MTX2: variants seen among roughly 807,000 people sequenced by gnomAD.
The protein encoded by MTX2 is metaxin-2.
MTX2 carries 35 observed loss-of-function variants against 42.3 expected under a neutral mutation model. The observed-to-expected ratio is 0.83, with a 90% CI of 0.63 to 1.10. MTX2 has a LOEUF of 1.10. MTX2 is among the 50% of genes least tolerant of loss of function. The probability of loss-of-function intolerance (pLI) is 0.00; values close to 1 mark genes in which losing one functional copy is unlikely to be tolerated. For synonymous variants in MTX2, 119 were observed against 100.9 expected (o/e 1.18, Z -1.08); for missense variants, 307 against 304.1 (o/e 1.01, Z -0.07).
At chr2:176,285,957 T>C (rs1196531181) in intron 1 of MTX2, among the ~76,000 whole-genome samples, 1 of 152,212 alleles carries the variant, frequency 6.6e-6, no homozygotes, top group African/African-American at 2.4e-5. Flanking sequence ...TTTGAGAAAT[T>C]GCCAAACATT....
Position 176,297,849 on chromosome 2 carries a change from G to C in MTX2, c.89G>C (p.Gly30Ala), listed in dbSNP as rs757924291. Residue 30 changes from glycine (G) to alanine (A), a missense_variant and splice_region_variant, in exon 3 of 10, where the codon GGG (glycine) becomes GCG (alanine). Gly to Ala is a moderately conservative substitution (Grantham distance 60). Coordinates refer to ENST00000249442, the MANE Select transcript of MTX2 (RefSeq NM_006554.5). ...ENATLYQQLK[G>A]EQILLSDNAA... ...TTTATGCTTCATTGTATTTCCACAG[G>C]GGAGCAAATTTTACTTTCTGACAAT... 6 of 1,557,062 alleles carry C rather than the reference G, an allele frequency of 3.9e-6. No individual in the cohort carries two copies. In the East Asian group the frequency reaches 7.0e-5, roughly 18 times the overall value.
At chr2:176,279,880 A>G (rs1250589684) in intron 1 of MTX2, among the ~76,000 whole-genome samples, 1 of 152,198 alleles carries the variant, frequency 6.6e-6, no homozygotes, top group Non-Finnish European at 1.5e-5. Context: ...AAACGGTGCT[A>G]ATGTGTGAGA....
Position 176,326,857 on chromosome 2 carries a change from G to C in MTX2, c.241G>C (p.Val81Leu). Reference protein sequence around the residue: ...KVPFIHVGNQVVSELGPIVQF... With the variant: ...KVPFIHVGNQLVSELGPIVQF... ...ACCTTTTATTCATGTGGGAAATCAA[G>C]TAGTATCAGAACTTGGTCCAATAGT... is the stretch of plus-strand genomic sequence containing the variant. The change falls in exon 5 of 10, where the codon GTA becomes CTA. Residue 81 changes from valine (V) to leucine (L), a missense_variant. Val to Leu is a conservative substitution (Grantham distance 32). Transcript: ENST00000249442. The C allele has an allele frequency of 1.3e-6, 2 of 1,574,146 alleles. No homozygotes were observed.
At chr2:176,304,857 C>G (rs1025575491) in intron 3 of MTX2, among the ~76,000 whole-genome samples, 1 of 151,998 alleles carries the variant, frequency 6.6e-6, no homozygotes, top group African/African-American at 2.4e-5. Flanking sequence ...CTAAGGATAG[C>G]TTTACCTGGT....
intron 1 of MTX2, among the ~76,000 whole-genome samples, chr2:176,292,622 A>G (rs569004758): frequency 1.7e-3 from 262 of 152,324 alleles, no homozygotes; most frequent in Admixed American, 3.3e-3. Context: ...ATATGAAGAC[A>G]GTTATAGAGC....
chr2:176,317,241 C>T (rs934510120), intron 3 of MTX2, among the ~76,000 whole-genome samples: 1 of 151,284 alleles, frequency 6.6e-6, no homozygotes, highest in Non-Finnish European at 1.5e-5. Context: ...TTCTCTCCCT[C>T]CCTCTCTCTA....
At chr2:176,299,853 A>G (rs899056390) in intron 3 of MTX2, among the ~76,000 whole-genome samples, 15 of 152,128 alleles carry the variant, frequency 9.9e-5, no homozygotes, top group African/African-American at 3.6e-4. Context: ...AGATATTTTA[A>G]TAGTCTGCCA....
At chr2:176,315,957 A>G (rs1479962308) in intron 3 of MTX2, among the ~76,000 whole-genome samples, 6 of 152,222 alleles carry the variant, frequency 3.9e-5, no homozygotes, top group Non-Finnish European at 1.5e-5. Context: ...AGTAGCAGGA[A>G]TTACCATGCA....
At chr2:176,276,280 A>G (rs542608838) in intron 1 of MTX2, among the ~76,000 whole-genome samples, 10 of 152,270 alleles carry the variant, frequency 6.6e-5, no homozygotes, top group African/African-American at 2.2e-4. Flanking sequence ...AGCCATGTTT[A>G]TTTTCATTAT....
intron 3 of MTX2, among the ~76,000 whole-genome samples, chr2:176,317,278 A>G (rs1298632444): frequency 6.8e-6 from 1 of 147,718 alleles, no homozygotes; most frequent in African/African-American, 2.5e-5. Context: ...CTTTTTTCTC[A>G]TGTTAAGATA....
intron 3 of MTX2, among the ~76,000 whole-genome samples, chr2:176,304,869 G>A (rs966898271): frequency 2.0e-5 from 3 of 151,982 alleles, no homozygotes; most frequent in Non-Finnish European, 2.9e-5. Context: ...TTACCTGGTT[G>A]GACTGAAAAT....
At chr2:176,295,000 A>G (rs1683822264) in intron 1 of MTX2, among the ~76,000 whole-genome samples, 1 of 152,210 alleles carries the variant, frequency 6.6e-6, no homozygotes, top group African/African-American at 2.4e-5. Context: ...AGATGATAAT[A>G]TTGAGTAAAA....
intron 3 of MTX2, among the ~76,000 whole-genome samples, chr2:176,320,211 G>A (rs1272697060): frequency 2.0e-5 from 3 of 151,928 alleles, no homozygotes; most frequent in Non-Finnish European, 2.9e-5. Context: ...TTGTGCCACT[G>A]CACTCCAGCC....
chr2:176,329,024 A>T, intron 7 of MTX2, 112 bp downstream of exon 7: 1 of 1,022,202 alleles, frequency 9.8e-7, no homozygotes, highest in Non-Finnish European at 1.5e-6. Context: ...ACCATTAGTG[A>T]TATAGTTTTT....
chr2:176,291,697 A>T (rs1033388357), intron 1 of MTX2, among the ~76,000 whole-genome samples: 1 of 152,138 alleles, frequency 6.6e-6, no homozygotes, highest in Non-Finnish European at 1.5e-5. Context: ...TAAACCAAGC[A>T]GGGGGCCCTT....
At chr2:176,298,298 T>C (rs922222504) in intron 3 of MTX2, among the ~76,000 whole-genome samples, 2 of 152,070 alleles carry the variant, frequency 1.3e-5, no homozygotes, top group African/African-American at 4.8e-5. Flanking sequence ...ATTGTTTTGC[T>C]CATTGCACTC....
intron 1 of MTX2, among the ~76,000 whole-genome samples, chr2:176,277,096 T>C (rs978934475): frequency 3.3e-5 from 5 of 152,222 alleles, no homozygotes; most frequent in Non-Finnish European, 5.9e-5. Context: ...GGAACCCATA[T>C]GTACGCATCT....
intron 1 of MTX2, among the ~76,000 whole-genome samples, chr2:176,296,023 T>G (rs1173088349): frequency 1.3e-5 from 2 of 152,206 alleles, no homozygotes; most frequent in African/African-American, 2.4e-5. Context: ...TATCCTGATA[T>G]CCTATATATT....
intron 1 of MTX2, among the ~76,000 whole-genome samples, chr2:176,287,617 A>G (rs554037278): frequency 1.3e-5 from 2 of 152,336 alleles, no homozygotes; most frequent in South Asian, 4.1e-4. Context: ...GATATACAGT[A>G]GACTCTTATG....
Sources: allele counts gnomAD v4.1 joint callset (sites outside exome capture counted in the v4.1 genomes callset), GRCh38; gene constraint gnomAD v4.1.1; transcripts MANE v1.5; gene names NCBI Gene and HGNC (gene_info 2026-07-23, HGNC 2026-07-21).